TEK: variants seen among roughly 807,000 people sequenced by gnomAD.
TEK encodes TEK receptor tyrosine kinase.
TEK carries 43 observed loss-of-function variants against 131.8 expected under a neutral mutation model. The ratio of observed to expected loss-of-function variants is 0.33; its 90% CI spans 0.26 to 0.42. The LOEUF (loss-of-function observed/expected upper bound fraction) is 0.42, where lower values mean the gene tolerates loss of function less well. Ranked by LOEUF, TEK falls within the 10% of genes least tolerant of loss-of-function variation. TEK has a pLI of 1.00. For synonymous variants in TEK, 580 were observed against 491.6 expected (o/e 1.18, Z -2.38); for missense variants, 1,162 against 1,384.4 (o/e 0.84, Z 2.55).
chr9:27,123,203 C>T (rs920951752), intron 1 of TEK, among the ~76,000 whole-genome samples: 5 of 151,284 alleles, frequency 3.3e-5, no homozygotes, highest in African/African-American at 7.3e-5. Context: ...GGAGATGGGG[C>T]GGGTAAGCAT....
chr9:27,145,520 C>A (rs10967735), intron 1 of TEK, among the ~76,000 whole-genome samples: 9,155 of 152,166 alleles, frequency 0.06, 925 homozygotes, highest in African/African-American at 0.21. Context: ...ATGATAATAC[C>A]AATAGTCCTT....
chr9:27,146,950 T>G lies in TEK; in HGVS notation c.53-10881T>G, dbSNP rs576396151. 3.3e-5 allele frequency among the ~76,000 whole-genome samples: 5 copies of G among 152,038 alleles called. No individual in the cohort carries two copies. In the East Asian group the frequency reaches 7.8e-4, roughly 24 times the overall value. On this transcript the variant is annotated intron_variant, in intron 1 of 22. Transcript: ENST00000380036. ...TTCACCGTGTTAGCCAGGATGGTCTTGATCTCCTGACCTTGTGATCTGCCC... is the reference window on the plus strand; with the variant it reads ...TTCACCGTGTTAGCCAGGATGGTCTGGATCTCCTGACCTTGTGATCTGCCC...
intron 21 of TEK, among the ~76,000 whole-genome samples, chr9:27,223,789 G>T (rs1193883258): frequency 1.3e-5 from 2 of 152,124 alleles, no homozygotes; most frequent in East Asian, 3.9e-4. Flanking sequence ...GAAGGAGACA[G>T]GGACATGAAA....
intron 7 of TEK, among the ~76,000 whole-genome samples, chr9:27,181,479 C>T (rs889071618): frequency 6.6e-6 from 1 of 152,192 alleles, no homozygotes; most frequent in Non-Finnish European, 1.5e-5. Context: ...ATTTTATATG[C>T]TGTAAACAAG....
At chr9:27,150,710 C>G (rs191276318) in intron 1 of TEK, among the ~76,000 whole-genome samples, 1 of 152,342 alleles carries the variant, frequency 6.6e-6, no homozygotes, top group Non-Finnish European at 1.5e-5. Context: ...TGCACCCCCA[C>G]TGCCTCACAG....
intron 1 of TEK, among the ~76,000 whole-genome samples, chr9:27,136,892 A>C (rs7873329): frequency 0.52 from 78,822 of 151,838 alleles, 21,437 homozygotes; most frequent in African/African-American, 0.57. Context: ...AGAGAAAAAA[A>C]ATCTCTCCAT....
intron 6 of TEK, among the ~76,000 whole-genome samples, chr9:27,174,974 T>A (rs648115): frequency 0.57 from 85,813 of 149,690 alleles, 25,086 homozygotes; most frequent in African/African-American, 0.66. Context: ...GTTTTTTTTT[T>A]AATTCTTTTT....
In TEK at chr9:27,173,209, T is replaced by C. The variant is rs773886440; in HGVS notation, c.761-13T>C. On this transcript the variant is annotated splice_polypyrimidine_tract_variant and intron_variant, in intron 5 of 22. Transcript: ENST00000380036. ...TATTTGACTCTGAATCATCTTTTCT[T>C]TTCCTCCCAAAGCTTGTGAACTGCA... 5 of 1,613,970 alleles carry C rather than the reference T, an allele frequency of 3.1e-6. No homozygotes were observed. Among genetic ancestry groups the C allele is most frequent in the Admixed American group, 1.7e-5 (1 of 60,000 alleles).
intron 14 of TEK, among the ~76,000 whole-genome samples, chr9:27,205,697 G>C (rs556993718): frequency 2.2e-4 from 34 of 152,136 alleles, no homozygotes; most frequent in African/African-American, 7.2e-4. Context: ...TTACCAAGAG[G>C]CATCTTATTT....
At chr9:27,180,489 T>C (rs1824326588) in intron 7 of TEK, 121 bp downstream of exon 7, 25 of 1,391,010 alleles carry the variant, frequency 1.8e-5, no homozygotes, top group Admixed American at 9.9e-5. Context: ...CATCCAGAAG[T>C]TGGGAATAGT....
chr9:27,170,549 C>T lies in TEK; in HGVS notation c.628+920C>T, dbSNP rs1029482996. 3.9e-5 allele frequency among the ~76,000 whole-genome samples: 6 copies of T among 152,100 alleles called. No individual in the cohort carries two copies. In the East Asian group the frequency reaches 5.8e-4, roughly 15 times the overall value. On this transcript the variant is annotated intron_variant, in intron 4 of 22. Coordinates refer to ENST00000380036, the MANE Select transcript of TEK (RefSeq NM_000459.5). ...TTGAGGTGGGAGGATAGTTCAAGCT[C>T]GGGAGGTCGAGGCTGCAGTGGGCCA...
At chr9:27,196,762 C>CTTTTTTTTTT (rs367911024) in intron 11 of TEK, among the ~76,000 whole-genome samples, 1 of 99,276 alleles carries the variant, frequency 1.0e-5, no homozygotes, top group Non-Finnish European at 2.0e-5. Flanking sequence ...GTGCTATACA[C>CTTTTTTTTTT]TTTTTTTTTT....
intron 16 of TEK, among the ~76,000 whole-genome samples, chr9:27,210,019 C>G (rs567932107): frequency 6.6e-6 from 1 of 152,298 alleles, no homozygotes; most frequent in Non-Finnish European, 1.5e-5. Flanking sequence ...ACTTGACAGC[C>G]TCTTGTTGAC....
chr9:27,209,405 G>GT (rs1270633888), intron 16 of TEK, among the ~76,000 whole-genome samples, 174 bp downstream of exon 16: 2 of 152,236 alleles, frequency 1.3e-5, no homozygotes, highest in African/African-American at 4.8e-5. Context: ...GGTTTGCCTT[G>GT]TTTTTGGAGG....
At chr9:27,159,242 T>A (rs960630862) in intron 2 of TEK, among the ~76,000 whole-genome samples, 17 of 152,162 alleles carry the variant, frequency 1.1e-4, no homozygotes, top group African/African-American at 4.1e-4. Flanking sequence ...GCCAGGAGCC[T>A]CATGTGTTTC....
rs778810650 is a variant in TEK at position 27,220,073 on chromosome 9, C to G, written c.3128C>G (p.Thr1043Ser). 3.1e-6 allele frequency: 5 copies of G among 1,614,094 alleles called. No individual in the cohort carries two copies. Among genetic ancestry groups the G allele is most frequent in the Non-Finnish European group, 3.4e-6 (4 of 1,179,984 alleles). Residue 1043 changes from threonine (T) to serine (S), a missense_variant, in exon 21 of 23, where the codon ACT (threonine) becomes AGT (serine). Transcript: ENST00000380036. The stretch of plus-strand genomic sequence containing the variant: ...GGAGGCACACCCTACTGCGGGATGA[C>G]TTGTGCAGAACTCTACGAGAAGCTG... ...SLGGTPYCGM[T>S]CAELYEKLPQ...
At chr9:27,165,724 G>A (rs183758757) in intron 2 of TEK, among the ~76,000 whole-genome samples, 41 of 152,208 alleles carry the variant, frequency 2.7e-4, no homozygotes, top group Non-Finnish European at 4.6e-4. Flanking sequence ...GGCAGAGGGT[G>A]GATCCAAGCC....
rs1825680843 is a variant in TEK at position 27,212,704 on chromosome 9, C to T, written c.2687-3C>T. On this transcript the variant is annotated splice_region_variant and splice_polypyrimidine_tract_variant and intron_variant, in intron 16 of 22. Transcript: ENST00000380036. The stretch of plus-strand genomic sequence containing the variant: ...GAGTCGATGCTCTCTTCCTTCCCTC[C>T]AGGCTACTTGTACCTGGCCATTGAG... The T allele has an allele frequency of 6.2e-7, 1 of 1,614,108 alleles. No individual in the cohort carries two copies. Among genetic ancestry groups the T allele is most frequent in the East Asian group, 2.2e-5 (1 of 44,848 alleles).
chr9:27,204,321 A>G (rs78110518), intron 13 of TEK, among the ~76,000 whole-genome samples: 13,115 of 152,222 alleles, frequency 0.086, 612 homozygotes, highest in African/African-American at 0.1. Context: ...ATTTGACCAT[A>G]GTCTTTAATA....
Sources: gnomAD v4.1 joint callset for allele counts (sites outside exome capture counted in the v4.1 genomes callset) on GRCh38, gnomAD v4.1.1 for gene constraint, MANE v1.5 for transcripts, NCBI Gene and HGNC (gene_info 2026-07-23, HGNC 2026-07-21) for gene names.